Variants in POGLUT3 observed in about 807,000 individuals in gnomAD.
The protein encoded by POGLUT3 is protein O-glucosyltransferase 3, also known as KDEL (Lys-Asp-Glu-Leu) containing 2.
A neutral mutation model predicts 54.3 loss-of-function variants in POGLUT3; 48 were observed. The observed-to-expected ratio is 0.88, with a 90% CI of 0.70 to 1.12. The LOEUF (loss-of-function observed/expected upper bound fraction) is 1.12. Ranked by LOEUF, POGLUT3 falls within the 50% of genes most tolerant of loss-of-function variation. The probability of loss-of-function intolerance (pLI) is 0.00; values close to 1 mark genes in which losing one functional copy is unlikely to be tolerated. For synonymous variants in POGLUT3, 218 were observed against 237.4 expected (o/e 0.92, Z 0.75); for missense variants, 629 against 618.7 (o/e 1.02, Z -0.18).
In POGLUT3 at chr11:108,484,540, T is replaced by G. The variant is rs1324103800; in HGVS notation, c.684+1617A>C. On this transcript the variant is annotated intron_variant, in intron 3 of 7. Transcript: ENST00000323468. ...CTTTGGGAGGCCAAGGCGGGCAGATTACGAGGTCAGGAGTTTGAGACCACC... is the reference window on the plus strand; with the variant it reads ...CTTTGGGAGGCCAAGGCGGGCAGATGACGAGGTCAGGAGTTTGAGACCACC... Among the ~76,000 whole-genome samples, 3 of 152,042 alleles carry G rather than the reference T, an allele frequency of 2.0e-5. No individual in the cohort carries two copies. In the East Asian group the frequency reaches 5.8e-4, roughly 29 times the overall value.
Position 108,498,305 on chromosome 11 carries a change from C to G in POGLUT3, c.62G>C (p.Gly21Ala). ...QLRLALLVAA[G>A]APEVLVSAPR... ...CGCGCTGACCAGCACCTCCGGGGCC[C>G]CCGCGGCCACCAGCAGGGCGAGGCG... Residue 21 changes from glycine (G) to alanine (A), a missense_variant, in exon 1 of 8, where the codon GGG becomes GCG. Gly to Ala is a moderately conservative substitution (Grantham distance 60). Transcript: ENST00000323468. The G allele has an allele frequency of 6.9e-7, 1 of 1,453,412 alleles. No homozygotes were observed. Among genetic ancestry groups the G allele is most frequent in the Non-Finnish European group, 9.1e-7 (1 of 1,099,656 alleles). 90.0% of individuals were successfully genotyped at this position (1,453,412 alleles called of 1,614,324 possible). A position where few individuals can be genotyped will look rare whatever the true frequency, so the allele number is the denominator to read the frequency against.
intron 5 of POGLUT3, among the ~76,000 whole-genome samples, chr11:108,480,895 C>A (rs1239225607): frequency 4.9e-4 from 64 of 130,426 alleles, no homozygotes; most frequent in Non-Finnish European, 4.9e-4. Flanking sequence ...AAAGCAAATA[C>A]AAAAAAAAAA....
chr11:108,479,638 C>T, intron 5 of POGLUT3, 143 bp from the exon 6 acceptor site: 2 of 522,852 alleles, frequency 3.8e-6, no homozygotes, highest in South Asian at 3.5e-5. Flanking sequence ...TATTTTATAA[C>T]TTACATCTTC....
intron 1 of POGLUT3, among the ~76,000 whole-genome samples, chr11:108,494,193 T>G (rs1379621191): frequency 6.6e-6 from 1 of 152,198 alleles, no homozygotes; most frequent in Non-Finnish European, 1.5e-5. Context: ...AATATTTGAA[T>G]GTAGCTTTGC....
intron 1 of POGLUT3, among the ~76,000 whole-genome samples, chr11:108,492,239 A>G (rs1454944471): frequency 6.6e-6 from 1 of 152,194 alleles, no homozygotes; most frequent in Non-Finnish European, 1.5e-5. Flanking sequence ...GTAAATAATA[A>G]CTATTCAACA....
At chr11:108,489,230 C>T (rs2093608919) in intron 2 of POGLUT3, among the ~76,000 whole-genome samples, 1 of 152,080 alleles carries the variant, frequency 6.6e-6, no homozygotes, top group African/African-American at 2.4e-5. Flanking sequence ...CGATGAACCA[C>T]AGGATAGTTT....
intron 2 of POGLUT3, among the ~76,000 whole-genome samples, chr11:108,488,791 A>C (rs1057022383): frequency 5.9e-5 from 9 of 152,292 alleles, no homozygotes; most frequent in African/African-American, 1.9e-4. Flanking sequence ...GATATTTGCC[A>C]CCTGAGTGTT....
At chr11:108,498,077 G>A in intron 1 of POGLUT3, 88 bp downstream of exon 1, 1 of 1,190,992 alleles carries the variant, frequency 8.4e-7, no homozygotes, top group Non-Finnish European at 1.1e-6. Flanking sequence ...GGGGAGGGAC[G>A]CCACGCAGGC....
At chr11:108,483,783 C>T (rs1169704621) in intron 3 of POGLUT3, among the ~76,000 whole-genome samples, 2 of 152,156 alleles carry the variant, frequency 1.3e-5, no homozygotes, top group Admixed American at 6.5e-5. Context: ...ATTCTTGTGC[C>T]TCAGCCTCCC....
chr11:108,496,943 A>G (rs1418359188), intron 1 of POGLUT3, among the ~76,000 whole-genome samples: 1 of 152,246 alleles, frequency 6.6e-6, no homozygotes, highest in Non-Finnish European at 1.5e-5. Context: ...GTGCTTCTGC[A>G]CATGCCATGG....
intron 3 of POGLUT3, among the ~76,000 whole-genome samples, chr11:108,483,385 A>G (rs1591641577): frequency 6.6e-6 from 1 of 152,128 alleles, no homozygotes; most frequent in East Asian, 1.9e-4. Context: ...CCAAGCCCAG[A>G]TCTAACACCA....
Position 108,496,160 on chromosome 11 carries a change from T to A in POGLUT3, c.202+2005A>T, listed in dbSNP as rs60723020. On this transcript the variant is annotated intron_variant, in intron 1 of 7. Coordinates refer to ENST00000323468, the MANE Select transcript of POGLUT3 (RefSeq NM_153705.5). ...TCCTGTAAGCTAACAATGATTCTTA[T>A]ATTTTTAAAATGGGGATGGGCATGG... Among the ~76,000 whole-genome samples, 905 of 152,180 alleles carry A rather than the reference T, an allele frequency of 5.9e-3. 9 individuals are homozygous for A. The highest frequency in any genetic ancestry group is 0.018 in the African/African-American group (736 of 41,534).
At chr11:108,490,078 C>T (rs1334357114) in intron 2 of POGLUT3, among the ~76,000 whole-genome samples, 1 of 152,052 alleles carries the variant, frequency 6.6e-6, no homozygotes, top group Non-Finnish European at 1.5e-5. Flanking sequence ...GGGTTTTTGC[C>T]ATGTTGCTCA....
intron 2 of POGLUT3, 63 bp from the exon 3 acceptor site, chr11:108,486,503 A>G: frequency 6.7e-7 from 1 of 1,492,430 alleles, no homozygotes; most frequent in East Asian, 2.3e-5. Flanking sequence ...ACAGGGAGTC[A>G]CTTCTGTCTC....
At chr11:108,495,633 G>C (rs978809139) in intron 1 of POGLUT3, among the ~76,000 whole-genome samples, 2 of 152,158 alleles carry the variant, frequency 1.3e-5, no homozygotes, top group African/African-American at 4.8e-5. Context: ...CCAAAGGAAT[G>C]AAAGTAAGGT....
rs1422004911 is a variant in POGLUT3, at chr11:108,473,085, C to T, written c.*1742G>A. ...TTATTTTCAGTTTTTGAGATGGAGT[C>T]TCACTCTGTCACCCAGGCTGGAGTG... On this transcript the variant is annotated 3_prime_UTR_variant, in exon 8 of 8. Transcript: ENST00000323468. The T allele has an allele frequency of 6.6e-6, 1 of 152,152 alleles. No homozygotes were observed. The highest frequency in any genetic ancestry group is 2.4e-5 in the African/African-American group (1 of 41,422). The allele number at this position is 152,152 out of a possible 1,614,324, so 9.4% of individuals were successfully genotyped here.
intron 1 of POGLUT3, among the ~76,000 whole-genome samples, chr11:108,495,068 C>G (rs905537652): frequency 6.6e-6 from 1 of 151,846 alleles, no homozygotes; most frequent in African/African-American, 2.4e-5. Context: ...TTTTTGTTAT[C>G]TGGGTACTTG....
chr11:108,474,841 T>C lies in POGLUT3; in HGVS notation c.1510A>G (p.Arg504Gly). 6.2e-7 allele frequency: 1 copy of C among 1,614,152 alleles called. No homozygotes were observed. Among genetic ancestry groups the C allele is most frequent in the South Asian group, 1.1e-5 (1 of 91,072 alleles). ...ICQCHRKKPS[R>G]EEL ...TCTGGGCTGACTCAAAGTTCTTCTC[T>C]TGAAGGCTTTTTCCTGTGGCACTGG... The change falls in exon 8 of 8, where the codon AGA becomes GGA. Residue 504 changes from arginine to glycine, a missense_variant. By Grantham distance (125) the Arg-to-Gly change is moderately radical. Coordinates refer to ENST00000323468, the MANE Select transcript of POGLUT3 (RefSeq NM_153705.5).
intron 4 of POGLUT3, among the ~76,000 whole-genome samples, chr11:108,481,715 C>G (rs189258279): frequency 1.7e-4 from 17 of 99,690 alleles, no homozygotes; most frequent in Admixed American, 8.7e-4. Flanking sequence ...AATGTCGGAC[C>G]GTGTTCAAAG....
Sources: allele counts gnomAD v4.1 joint callset (sites outside exome capture counted in the v4.1 genomes callset), GRCh38; gene constraint gnomAD v4.1.1; transcripts MANE v1.5; gene names NCBI Gene and HGNC (gene_info 2026-07-23, HGNC 2026-07-21).